Variants in CSNK2A2IP observed in about 807,000 individuals in gnomAD.
The protein encoded by CSNK2A2IP is casein kinase II subunit alpha'-interacting protein.
At chr3:88,361,102 T>G in the CSNK2A2IP span, among the ~76,000 whole-genome samples, 1 of 152,240 alleles carries the variant, frequency 6.6e-6, no homozygotes, top group African/African-American at 2.4e-5. Context: ...TTTGGTAGAT[T>G]TGTCTTTTAG....
chr3:88,461,622 A>G, the CSNK2A2IP span, among the ~76,000 whole-genome samples: 1 of 152,186 alleles, frequency 6.6e-6, no homozygotes, highest in South Asian at 2.1e-4. Flanking sequence ...AGTTGTATCA[A>G]CTTAACATTT....
chr3:88,398,995 A>G, the CSNK2A2IP span, among the ~76,000 whole-genome samples: 1 of 152,180 alleles, frequency 6.6e-6, no homozygotes, highest in Non-Finnish European at 1.5e-5. Context: ...TCTTGGGTTT[A>G]AGGATACAAA....
the CSNK2A2IP span, among the ~76,000 whole-genome samples, chr3:88,363,588 A>G: frequency 1.3e-5 from 2 of 152,164 alleles, no homozygotes; most frequent in African/African-American, 4.8e-5. Flanking sequence ...TGCATGTTTC[A>G]TAAACTTTGA....
the CSNK2A2IP span, among the ~76,000 whole-genome samples, chr3:88,443,341 C>G: frequency 2.0e-5 from 3 of 151,818 alleles, no homozygotes; most frequent in African/African-American, 7.3e-5. Context: ...AGTGAGAAAA[C>G]AAAAACGATG....
the CSNK2A2IP span, among the ~76,000 whole-genome samples, chr3:88,449,065 C>A: frequency 6.6e-6 from 1 of 151,916 alleles, no homozygotes; most frequent in Non-Finnish European, 1.5e-5. Context: ...TCTCTCCTTC[C>A]TCCTTCCCTT....
At chr3:88,432,661 T>G in the CSNK2A2IP span, among the ~76,000 whole-genome samples, 1 of 151,280 alleles carries the variant, frequency 6.6e-6, no homozygotes, top group Non-Finnish European at 1.5e-5. Context: ...TTGAATACTT[T>G]TTTTCTAAAT....
At chr3:88,451,192 T>A in the CSNK2A2IP span, among the ~76,000 whole-genome samples, 1 of 152,084 alleles carries the variant, frequency 6.6e-6, no homozygotes, top group Admixed American at 6.6e-5. Flanking sequence ...AGGGGGAAAT[T>A]ATGTCATATT....
the CSNK2A2IP span, among the ~76,000 whole-genome samples, chr3:88,382,986 A>G: frequency 6.6e-6 from 1 of 152,110 alleles, no homozygotes; most frequent in Non-Finnish European, 1.5e-5. Flanking sequence ...CACATTTCCT[A>G]CTGGTTAACT....
the CSNK2A2IP span, among the ~76,000 whole-genome samples, chr3:88,373,920 G>A: frequency 6.6e-6 from 1 of 151,586 alleles, no homozygotes; most frequent in Non-Finnish European, 1.5e-5. Flanking sequence ...TGAGATAAAA[G>A]AGATAACCTA....
chr3:88,362,166 T>C, the CSNK2A2IP span, among the ~76,000 whole-genome samples: 2 of 152,120 alleles, frequency 1.3e-5, no homozygotes, highest in African/African-American at 2.4e-5. Flanking sequence ...TGGACATTCA[T>C]TGATATCTGG....
chr3:88,466,074 A>G, the CSNK2A2IP span: 4 of 1,231,660 alleles, frequency 3.2e-6, no homozygotes, highest in South Asian at 1.2e-4. Flanking sequence ...GCAATCAAAG[A>G]TCTTTGAGTT....
the CSNK2A2IP span, among the ~76,000 whole-genome samples, chr3:88,449,854 C>CACACACACACAT: frequency 1.1e-4 from 9 of 84,442 alleles, no homozygotes; most frequent in African/African-American, 3.6e-4. Flanking sequence ...CACACACACA[C>CACACACACACAT]ATATATATAT....
the CSNK2A2IP span, among the ~76,000 whole-genome samples, chr3:88,430,828 A>G: frequency 6.6e-6 from 1 of 152,128 alleles, no homozygotes; most frequent in Admixed American, 6.5e-5. Context: ...CCTCATCCAC[A>G]TACACCCCAT....
the CSNK2A2IP span, among the ~76,000 whole-genome samples, chr3:88,373,189 G>A: frequency 6.6e-6 from 1 of 151,394 alleles, no homozygotes; most frequent in South Asian, 2.1e-4. Context: ...TTTCTCTTCA[G>A]AAGAACATGG....
the CSNK2A2IP span, among the ~76,000 whole-genome samples, chr3:88,446,103 TTTCTTTCTTTCTTTTTTTTC>T: frequency 6.9e-6 from 1 of 144,660 alleles, no homozygotes; most frequent in African/African-American, 2.6e-5. Context: ...TCTTTCTTTT[TTTCTTTCTTTCTTTTTTTTC>T]TTTCTTTCTT....
At chr3:88,438,902 A>G in the CSNK2A2IP span, among the ~76,000 whole-genome samples, 779 of 149,528 alleles carry the variant, frequency 5.2e-3, 3 homozygotes, top group African/African-American at 0.017. Flanking sequence ...CTGCCCCTAC[A>G]TCTCCATGTT....
chr3:88,388,120 T>C, the CSNK2A2IP span, among the ~76,000 whole-genome samples: 2 of 152,252 alleles, frequency 1.3e-5, no homozygotes, highest in African/African-American at 2.4e-5. Context: ...GGCAGTTCTA[T>C]TATTTGACTT....
the CSNK2A2IP span, among the ~76,000 whole-genome samples, chr3:88,383,551 A>G: frequency 0.38 from 58,299 of 151,738 alleles, 14,202 homozygotes; most frequent in South Asian, 0.6. Context: ...TCATCAGCAT[A>G]TGGCCTAAGT....
the CSNK2A2IP span, among the ~76,000 whole-genome samples, chr3:88,462,141 T>TATA: frequency 2.7e-5 from 4 of 145,888 alleles, no homozygotes; most frequent in African/African-American, 7.5e-5. Flanking sequence ...ATATATGTAT[T>TATA]GTAAATTTTT....
Sources: allele counts gnomAD v4.1 joint callset (sites outside exome capture counted in the v4.1 genomes callset), GRCh38; gene constraint gnomAD v4.1.1; transcripts MANE v1.5; gene names NCBI Gene and HGNC (gene_info 2026-07-23, HGNC 2026-07-21).